The following NBEA variants were observed in gnomAD, a reference collection of about 807,000 sequenced individuals.
NBEA encodes neurobeachin.
Under a neutral mutation model 343.4 loss-of-function variants are expected in NBEA, and 44 were observed. The observed-to-expected ratio is 0.13, with a 90% confidence interval of 0.10 to 0.16. The LOEUF (loss-of-function observed/expected upper bound fraction) is 0.16, where lower values mean the gene tolerates loss of function less well. Among genes scored for constraint, NBEA ranks in the 10% least tolerant of loss-of-function variants. The probability of loss-of-function intolerance (pLI) is 1.00; values close to 1 mark genes in which losing one functional copy is unlikely to be tolerated. For synonymous variants in NBEA, 1,175 were observed against 1,238.7 expected (o/e 0.95, Z 1.08); for missense variants, 2,555 against 3,631.3 (o/e 0.70, Z 7.62).
intron 54 of NBEA, 52 bp downstream of exon 54, chr13:35,655,062 A>G: frequency 1.5e-6 from 2 of 1,336,408 alleles, no homozygotes; most frequent in African/African-American, 1.5e-5. Flanking sequence ...TATTGTTAAA[A>G]CCAAAGCTGA....
intron 35 of NBEA, among the ~76,000 whole-genome samples, chr13:35,305,730 T>C (rs2036847638): frequency 6.6e-6 from 1 of 152,194 alleles, no homozygotes; most frequent in East Asian, 1.9e-4. Flanking sequence ...TAAACTTTCA[T>C]GTTTTAAGCC....
intron 31 of NBEA, among the ~76,000 whole-genome samples, chr13:35,201,805 C>T (rs2073041084): frequency 6.6e-6 from 1 of 152,022 alleles, no homozygotes; most frequent in Non-Finnish European, 1.5e-5. Flanking sequence ...ATTTGAATCC[C>T]AGAAAAGGTG....
At chr13:35,302,048 C>T (rs533044771) in intron 35 of NBEA, among the ~76,000 whole-genome samples, 1 of 152,238 alleles carries the variant, frequency 6.6e-6, no homozygotes, top group East Asian at 1.9e-4. Context: ...TCATGGGCTG[C>T]AGTAGGGAGG....
chr13:35,258,406 CGCCT>C (rs1333972265), intron 34 of NBEA, among the ~76,000 whole-genome samples: 3 of 151,936 alleles, frequency 2.0e-5, no homozygotes, highest in Non-Finnish European at 2.9e-5. Context: ...CCTCATGATC[CGCCT>C]GCCTCAGCGT....
chr13:35,201,061 A>T (rs2152745336), intron 31 of NBEA, among the ~76,000 whole-genome samples: 1 of 152,174 alleles, frequency 6.6e-6, no homozygotes, highest in Middle Eastern at 3.4e-3. Flanking sequence ...GAACAAATAA[A>T]CGTAAGCCAA....
At chr13:35,162,746 C>A (rs2069666980) in intron 23 of NBEA, among the ~76,000 whole-genome samples, 1 of 152,030 alleles carries the variant, frequency 6.6e-6, no homozygotes, top group African/African-American at 2.4e-5. Context: ...CTTTTAGAGA[C>A]TAATACTGGT....
chr13:35,329,697 A>C (rs1463192390), intron 36 of NBEA, among the ~76,000 whole-genome samples: 1 of 152,052 alleles, frequency 6.6e-6, no homozygotes, highest in Admixed American at 6.6e-5. Flanking sequence ...GGAAAAGGTA[A>C]CAAAAGAACA....
chr13:35,055,891 A>T, intron 6 of NBEA, 119 bp from the exon 7 acceptor site: 1 of 694,352 alleles, frequency 1.4e-6, no homozygotes, highest in Non-Finnish European at 2.1e-6. Flanking sequence ...AAGTGGTATT[A>T]GATGATCCTT....
At chr13:35,141,537 T>C (rs2152694886) in intron 17 of NBEA, among the ~76,000 whole-genome samples, 1 of 152,298 alleles carries the variant, frequency 6.6e-6, no homozygotes, top group Admixed American at 6.5e-5. Flanking sequence ...AGTGCTGGGA[T>C]TACAGGCGTG....
chr13:35,322,930 A>G (rs1048181124), intron 36 of NBEA, among the ~76,000 whole-genome samples: 36 of 151,980 alleles, frequency 2.4e-4, no homozygotes, highest in African/African-American at 7.7e-4. Flanking sequence ...GCTCACTGCA[A>G]CCTCCATTTC....
intron 33 of NBEA, among the ~76,000 whole-genome samples, chr13:35,212,740 G>A (rs927073509): frequency 1.3e-5 from 2 of 152,052 alleles, no homozygotes; most frequent in Admixed American, 6.6e-5. Context: ...AAGTATAGTG[G>A]CATTCCATTG....
chr13:35,065,379 A>AT (rs921676582), intron 8 of NBEA, among the ~76,000 whole-genome samples: 470 of 147,396 alleles, frequency 3.2e-3, no homozygotes, highest in Non-Finnish European at 5.2e-3. Flanking sequence ...TGTTCAAAGG[A>AT]TTTTTTTTTT....
intron 40 of NBEA, among the ~76,000 whole-genome samples, chr13:35,466,210 A>G (rs1266504733): frequency 2.0e-5 from 3 of 152,102 alleles, no homozygotes; most frequent in Non-Finnish European, 4.4e-5. Flanking sequence ...ATCTGTGGGG[A>G]TAATTAGTTA....
chr13:35,456,003 G>A (rs945926415), intron 40 of NBEA, among the ~76,000 whole-genome samples: 3 of 151,810 alleles, frequency 2.0e-5, no homozygotes, highest in African/African-American at 7.3e-5. Flanking sequence ...TTTTACACTG[G>A]TTCCATTACA....
At position 34,967,548 on chromosome 13, in the gene NBEA, A is replaced by T. The variant is rs571337876; in HGVS notation, c.294+24434A>T. On this transcript the variant is annotated intron_variant, in intron 1 of 58. Coordinates refer to ENST00000379939, the MANE Select transcript of NBEA (RefSeq NM_001385012.1). ...TTCAAGTAGTAATATCCTGGGAAAG[A>T]TAGACAAGTAAATACATACAAATGT... Among the ~76,000 whole-genome samples the T allele has an allele frequency of 9.9e-4, 150 of 152,214 alleles. 1 individual carries two copies. Among genetic ancestry groups the T allele is most frequent in the Middle Eastern group, 6.8e-3 (2 of 294 alleles).
intron 23 of NBEA, 131 bp downstream of exon 23, chr13:35,162,098 T>G: frequency 2.9e-6 from 2 of 697,500 alleles, no homozygotes; most frequent in Non-Finnish European, 4.7e-6. Flanking sequence ...TGTATCTTGT[T>G]TAAATTAATA....
intron 26 of NBEA, 26 bp from the exon 27 acceptor site, chr13:35,173,438 C>A: frequency 6.5e-7 from 1 of 1,545,954 alleles, no homozygotes; most frequent in Admixed American, 1.9e-5. Context: ...TTTATATTAA[C>A]AATATGTTTT....
rs114270520 is a variant in NBEA at position 35,040,209 on chromosome 13, G to A, written c.295-724G>A. On this transcript the variant is annotated intron_variant, in intron 1 of 58. Transcript: ENST00000379939. ...TCCTATGGGATTCGATCAACAGAGA[G>A]TAAAGAGTGTTATTATGTTATTTTA... Among the ~76,000 whole-genome samples, 1,427 of 152,146 alleles carry A rather than the reference G, an allele frequency of 9.4e-3. 20 individuals carry two copies. The highest frequency in any genetic ancestry group is 0.033 in the African/African-American group (1,360 of 41,538).
chr13:35,211,510 A>G (rs769846389), intron 33 of NBEA, among the ~76,000 whole-genome samples: 1 of 152,116 alleles, frequency 6.6e-6, no homozygotes, highest in African/African-American at 2.4e-5. Flanking sequence ...GGGGTGATAA[A>G]AAGTTTAAAA....
Sources: allele counts gnomAD v4.1 joint callset (sites outside exome capture counted in the v4.1 genomes callset), GRCh38; gene constraint gnomAD v4.1.1; transcripts MANE v1.5; gene names NCBI Gene and HGNC (gene_info 2026-07-23, HGNC 2026-07-21).